Variants in NPY1R observed in about 807,000 individuals in gnomAD.
NPY1R encodes neuropeptide Y receptor type 1.
A neutral mutation model predicts 24.1 loss-of-function variants in NPY1R; 10 were observed. The ratio of observed to expected loss-of-function variants is 0.42; its 90% CI spans 0.26 to 0.71. NPY1R has a LOEUF of 0.71. Ranked by LOEUF, NPY1R falls within the 30% of genes least tolerant of loss-of-function variation. The pLI, the probability that NPY1R is intolerant of heterozygous loss-of-function variation, is 0.28. For missense variants in NPY1R, 350 were observed against 458.0 expected (o/e 0.76, Z 2.15); for synonymous variants, 168 against 165.9 (o/e 1.01, Z -0.10).
Position 163,326,550 on chromosome 4 carries a change from T to C in NPY1R, c.5A>G (p.Asn2Ser), listed in dbSNP as rs747030406. 5 of 1,580,944 alleles carry C rather than the reference T, an allele frequency of 3.2e-6. No individual in the cohort carries two copies. Among genetic ancestry groups the C allele is most frequent in the Non-Finnish European group, 4.3e-6 (5 of 1,158,702 alleles). The change falls in exon 2 of 3, where the codon AAT becomes AGT. Residue 2 changes from asparagine to serine, a missense_variant. Transcript: ENST00000296533. The part of the protein sequence containing the change: M[N>S]STLFSQVENH... Reference sequence around the variant, plus strand: ...TTCAACCTGGGAAAATAATGTTGAATTCATTTTGATTGGTTTGGTTGTTAT... The same window carrying C: ...TTCAACCTGGGAAAATAATGTTGAACTCATTTTGATTGGTTTGGTTGTTAT...
chr4:163,343,476 C>A (rs1319362844), intron 1 of NPY1R, among the ~76,000 whole-genome samples: 2 of 151,938 alleles, frequency 1.3e-5, no homozygotes, highest in Non-Finnish European at 2.9e-5. Context: ...TTCTTTCTTT[C>A]TATCACCACA....
intron 1 of NPY1R, among the ~76,000 whole-genome samples, chr4:163,343,575 C>T (rs2110829313): frequency 6.6e-6 from 1 of 152,180 alleles, no homozygotes; most frequent in East Asian, 1.9e-4. Flanking sequence ...AGGGGCACAG[C>T]CATCCTCACA....
chr4:163,333,993 CACACACACATAT>C, upstream of NPY1R, among the ~76,000 whole-genome samples: 1 of 150,960 alleles, frequency 6.6e-6, no homozygotes, highest in South Asian at 2.1e-4. Flanking sequence ...CATTTATACA[CACACACACATAT>C]ACACACACAT....
chr4:163,331,535 A>C (rs1442292105), intron 1 of NPY1R, among the ~76,000 whole-genome samples: 3 of 152,020 alleles, frequency 2.0e-5, no homozygotes, highest in Non-Finnish European at 4.4e-5. Context: ...CTCTCATCAA[A>C]AAACCTTTCT....
At chr4:163,332,147 G>A (rs752481622) in intron 1 of NPY1R, among the ~76,000 whole-genome samples, 6 of 152,230 alleles carry the variant, frequency 3.9e-5, no homozygotes, top group Non-Finnish European at 7.3e-5. Context: ...GAACTCGGGC[G>A]CCTTCCCAGT....
At chr4:163,332,952 G>A (rs966837584), upstream of NPY1R, 5 of 152,176 alleles carry the variant, frequency 3.3e-5, no homozygotes, top group African/African-American at 9.7e-5. Flanking sequence ...CGGCTGGAGA[G>A]CTCGAGCGCC....
intron 1 of NPY1R, among the ~76,000 whole-genome samples, chr4:163,327,058 A>G (rs1033258649): frequency 6.6e-6 from 1 of 152,206 alleles, no homozygotes; most frequent in African/African-American, 2.4e-5. Flanking sequence ...AGATTAAAAC[A>G]TAAGAAAAAT....
exon 1 of NPY1R, chr4:163,344,414 G>A (rs112557474): frequency 0.078 from 11,948 of 152,304 alleles, 532 homozygotes; most frequent in South Asian, 0.17. Flanking sequence ...CCGGCTGGAC[G>A]CGCTCTGGCT....
upstream of NPY1R, among the ~76,000 whole-genome samples, chr4:163,333,469 TAC>T (rs879626316): frequency 4.0e-5 from 6 of 150,216 alleles, no homozygotes; most frequent in Admixed American, 6.6e-5. Context: ...AACACACACA[TAC>T]ACACACACAC....
chr4:163,333,145 T>A (rs1287705454), upstream of NPY1R: 9 of 152,158 alleles, frequency 5.9e-5, no homozygotes, highest in African/African-American at 2.2e-4. Flanking sequence ...AAGCAGTCAA[T>A]CGGCCCTCCT....
chr4:163,332,484 T>G lies in NPY1R; in HGVS notation c.-154A>C, dbSNP rs1734757013. The G allele has an allele frequency of 6.6e-6, 1 of 152,222 alleles. No homozygotes were observed. Among genetic ancestry groups the G allele is most frequent in the South Asian group, 2.1e-4 (1 of 4,830 alleles). The allele number at this position is 152,222 out of a possible 1,614,324, so 9.4% of individuals were successfully genotyped here. ...AAAGGCATAAACTCGCAACTTACCCTCTTTGGAATTTGTCTTTTTCGCTCC... is the reference window on the plus strand; with the variant it reads ...AAAGGCATAAACTCGCAACTTACCCGCTTTGGAATTTGTCTTTTTCGCTCC... On this transcript the variant is annotated splice_region_variant and 5_prime_UTR_variant, in exon 1 of 3. Transcript: ENST00000296533.
chr4:163,334,461 GA>G (rs1253368787), upstream of NPY1R, among the ~76,000 whole-genome samples: 1 of 152,142 alleles, frequency 6.6e-6, no homozygotes, highest in African/African-American at 2.4e-5. Flanking sequence ...GAAAATTTGT[GA>G]AACTGCATTC....
At chr4:163,341,783 G>A (rs571253009) in intron 1 of NPY1R, among the ~76,000 whole-genome samples, 1 of 152,118 alleles carries the variant, frequency 6.6e-6, no homozygotes, top group Non-Finnish European at 1.5e-5. Flanking sequence ...TTCTGTTCTG[G>A]TATTCCCCTT....
At position 163,332,550 on chromosome 4, in the gene NPY1R, A is replaced by T. The variant is rs78915535; in HGVS notation, c.-220T>A. ...GAAGGGTGGGAATGGAAGGGAGCAG[A>T]GTGGGGAAGATCCGCTGGTATTTCT... is the stretch of plus-strand genomic sequence containing the variant. On this transcript the variant is annotated 5_prime_UTR_variant, in exon 1 of 3. Coordinates refer to ENST00000296533, the MANE Select transcript of NPY1R (RefSeq NM_000909.6). 6.6e-6 allele frequency: 1 copy of T among 152,244 alleles called. No homozygotes were observed. Among genetic ancestry groups the T allele is most frequent in the Non-Finnish European group, 1.5e-5 (1 of 68,088 alleles). 9.4% of individuals were successfully genotyped at this position (152,244 alleles called of 1,614,324 possible).
chr4:163,325,249 G>T lies in NPY1R; in HGVS notation c.*54C>A. ...GAACAGGTAATCAAAGTATGTTGCA[G>T]GTTGTGCTTGTTTTTAAACAGATGT... On this transcript the variant is annotated 3_prime_UTR_variant, in exon 3 of 3. Coordinates refer to ENST00000296533, the MANE Select transcript of NPY1R (RefSeq NM_000909.6). The T allele has an allele frequency of 1.6e-6, 2 of 1,246,318 alleles. No individual in the cohort carries two copies. The highest frequency in any genetic ancestry group is 2.3e-6 in the Non-Finnish European group (2 of 878,292). The allele number at this position is 1,246,318 out of a possible 1,614,324, so 77.2% of individuals were successfully genotyped here.
chr4:163,331,878 C>G (rs1381243759), intron 1 of NPY1R, among the ~76,000 whole-genome samples: 2 of 152,220 alleles, frequency 1.3e-5, no homozygotes, highest in Non-Finnish European at 2.9e-5. Context: ...GAGCGCGGCT[C>G]GATTGCAGCC....
In NPY1R at chr4:163,326,645, C is replaced by T. The variant is rs1191268114; in HGVS notation, c.-91G>A. ...CAACTGTTCAGCTTATTCTTATTCCCCATATTGGAATCCATTTACCAAAAT... is the reference window on the plus strand; with the variant it reads ...CAACTGTTCAGCTTATTCTTATTCCTCATATTGGAATCCATTTACCAAAAT... On this transcript the variant is annotated 5_prime_UTR_variant, in exon 2 of 3. Transcript: ENST00000296533. The T allele has an allele frequency of 1.0e-5, 8 of 765,184 alleles. No homozygotes were observed. Among genetic ancestry groups the T allele is most frequent in the African/African-American group, 3.5e-5 (2 of 56,716 alleles). 47.4% of individuals were successfully genotyped at this position (765,184 alleles called of 1,614,324 possible).
chr4:163,329,345 C>T (rs1251843931), intron 1 of NPY1R, among the ~76,000 whole-genome samples: 1 of 152,108 alleles, frequency 6.6e-6, no homozygotes, highest in African/African-American at 2.4e-5. Flanking sequence ...TGGCTCACAC[C>T]TGTAATCCCA....
At chr4:163,339,006 A>C (rs931950467) in intron 1 of NPY1R, among the ~76,000 whole-genome samples, 1 of 152,130 alleles carries the variant, frequency 6.6e-6, no homozygotes, top group African/African-American at 2.4e-5. Context: ...AGCTCTACTT[A>C]TTTCTTTTCT....
Sources: allele counts gnomAD v4.1 joint callset (sites outside exome capture counted in the v4.1 genomes callset), GRCh38; gene constraint gnomAD v4.1.1; transcripts MANE v1.5; gene names NCBI Gene and HGNC (gene_info 2026-07-23, HGNC 2026-07-21).